DSCAM: variants seen among roughly 807,000 people sequenced by gnomAD.
DSCAM encodes DS cell adhesion molecule.
Under a neutral mutation model 217.7 loss-of-function variants are expected in DSCAM, and 47 were observed. The ratio of observed to expected loss-of-function variants is 0.22; its 90% CI spans 0.17 to 0.28. The LOEUF (loss-of-function observed/expected upper bound fraction) is 0.28. Ranked by LOEUF, DSCAM falls within the 10% of genes least tolerant of loss-of-function variation. The pLI is 1.00. For missense variants in DSCAM, 2,080 were observed against 2,618.3 expected, an observed-to-expected ratio of 0.79 and a Z score of 4.49; for synonymous variants, 1,056 against 1,015.3, an observed-to-expected ratio of 1.04 and a Z score of -0.76.
intron 1 of DSCAM, among the ~76,000 whole-genome samples, chr21:40,728,115 A>G (rs1271766682): frequency 6.6e-6 from 1 of 152,142 alleles, no homozygotes; most frequent in Non-Finnish European, 1.5e-5. Flanking sequence ...CCACGCCTGC[A>G]CTTACTCCCC....
intron 3 of DSCAM, among the ~76,000 whole-genome samples, chr21:40,476,768 T>C (rs2075939984): frequency 6.6e-6 from 1 of 152,122 alleles, no homozygotes; most frequent in Non-Finnish European, 1.5e-5. Context: ...TTGTAGGCTA[T>C]GTTATACAGT....
rs1422171045 is a variant in DSCAM, at chr21:40,723,821, C to T, written c.44-15050G>A. Among the ~76,000 whole-genome samples, 7 of 152,212 alleles carry T rather than the reference C, an allele frequency of 4.6e-5. No homozygotes were observed. In the East Asian group the frequency reaches 1.2e-3, roughly 25 times the overall value. On this transcript the variant is annotated intron_variant, in intron 1 of 32. Coordinates refer to ENST00000400454, the MANE Select transcript of DSCAM (RefSeq NM_001389.5). Reference sequence around the variant, plus strand: ...TCTGAGGTGCTATAAGAACACACTTCGAAGATTTTAGCTACTTTGTGTAAG... The same window carrying T: ...TCTGAGGTGCTATAAGAACACACTTTGAAGATTTTAGCTACTTTGTGTAAG...
At chr21:40,200,511 C>A (rs188425796) in intron 11 of DSCAM, among the ~76,000 whole-genome samples, 3 of 152,216 alleles carry the variant, frequency 2.0e-5, no homozygotes, top group African/African-American at 7.2e-5. Context: ...AATTATATTT[C>A]AAGATATGTG....
chr21:40,730,768 T>C (rs920050872), intron 1 of DSCAM, among the ~76,000 whole-genome samples: 4 of 152,132 alleles, frequency 2.6e-5, no homozygotes, highest in Non-Finnish European at 4.4e-5. Context: ...AATCAGTAGA[T>C]TTAGAGTATT....
chr21:40,031,219 T>C (rs920419229), intron 32 of DSCAM, among the ~76,000 whole-genome samples: 3 of 152,098 alleles, frequency 2.0e-5, no homozygotes, highest in African/African-American at 7.2e-5. Context: ...GGGGGAGGCA[T>C]GTACCTTAGA....
chr21:40,237,525 C>T (rs893387254), intron 11 of DSCAM, among the ~76,000 whole-genome samples: 2 of 152,168 alleles, frequency 1.3e-5, no homozygotes, highest in African/African-American at 4.8e-5. Flanking sequence ...TCATCCATGT[C>T]CCTGCAAAGG....
Position 40,277,697 on chromosome 21 carries a change from G to A in DSCAM, c.2183-1427C>T, listed in dbSNP as rs185138422. On this transcript the variant is annotated intron_variant, in intron 10 of 32. Transcript: ENST00000400454. ...CACCCAGGCTGGAGTGCAGTGGCAC[G>A]ATTTCGGCTCACTGCAACTTCCGCC... 4.1e-3 allele frequency among the ~76,000 whole-genome samples: 595 copies of A among 146,910 alleles called. 2 individuals are homozygous for A. Among genetic ancestry groups the A allele is most frequent in the African/African-American group, 0.014 (540 of 39,544 alleles).
intron 3 of DSCAM, among the ~76,000 whole-genome samples, chr21:40,613,320 T>C (rs1240521177): frequency 1.3e-5 from 2 of 152,162 alleles, no homozygotes; most frequent in African/African-American, 2.4e-5. Context: ...TTGTCTATGG[T>C]TTGTGCACCA....
chr21:40,219,573 C>A (rs1373285164), intron 11 of DSCAM, among the ~76,000 whole-genome samples: 1 of 152,000 alleles, frequency 6.6e-6, no homozygotes, highest in African/African-American at 2.4e-5. Context: ...ACTTTTATTT[C>A]TTTGGTATAG....
intron 3 of DSCAM, among the ~76,000 whole-genome samples, chr21:40,511,821 C>T (rs1299615180): frequency 6.6e-6 from 1 of 151,552 alleles, no homozygotes; most frequent in Non-Finnish European, 1.5e-5. Flanking sequence ...GAAACCCCGT[C>T]TCTATTAAAA....
intron 3 of DSCAM, among the ~76,000 whole-genome samples, chr21:40,692,465 T>C (rs890499183): frequency 2.6e-5 from 4 of 152,184 alleles, no homozygotes; most frequent in East Asian, 3.9e-4. Flanking sequence ...ATGTCAGCTA[T>C]ATATGCAATG....
At chr21:40,606,802 C>A (rs1002742117) in intron 3 of DSCAM, among the ~76,000 whole-genome samples, 6 of 152,184 alleles carry the variant, frequency 3.9e-5, no homozygotes, top group African/African-American at 1.4e-4. Flanking sequence ...TGAATTCCCA[C>A]ATATTTTGGG....
chr21:40,050,951 AT>A (rs926870884), intron 30 of DSCAM, among the ~76,000 whole-genome samples: 22 of 152,318 alleles, frequency 1.4e-4, no homozygotes, highest in African/African-American at 5.3e-4. Flanking sequence ...TCTTGAAAAC[AT>A]TTTTTAAATG....
At chr21:40,826,529 G>GGA (rs1476349965) in intron 1 of DSCAM, among the ~76,000 whole-genome samples, 1 of 152,224 alleles carries the variant, frequency 6.6e-6, no homozygotes, top group African/African-American at 2.4e-5. Flanking sequence ...ATTCAGCTGT[G>GGA]AGTTGGCAGA....
At chr21:40,140,012 G>A (rs1182539807) in intron 18 of DSCAM, among the ~76,000 whole-genome samples, 1 of 151,804 alleles carries the variant, frequency 6.6e-6, no homozygotes, top group African/African-American at 2.4e-5. Flanking sequence ...GCATGTATGT[G>A]TGGTGTGTGC....
intron 1 of DSCAM, among the ~76,000 whole-genome samples, chr21:40,790,909 G>T (rs1244226727): frequency 6.6e-6 from 1 of 152,094 alleles, no homozygotes; most frequent in East Asian, 1.9e-4. Context: ...AGGTGCAGTG[G>T]CTCATGCCTG....
At chr21:40,538,781 T>C (rs1304965531) in intron 3 of DSCAM, among the ~76,000 whole-genome samples, 3 of 152,062 alleles carry the variant, frequency 2.0e-5, no homozygotes, top group Non-Finnish European at 4.4e-5. Context: ...CTGGGGAACA[T>C]GGAGCACAAG....
chr21:40,509,283 G>A (rs1408052085), intron 3 of DSCAM, among the ~76,000 whole-genome samples: 1 of 152,158 alleles, frequency 6.6e-6, no homozygotes, highest in Non-Finnish European at 1.5e-5. Flanking sequence ...AATTCAAAAG[G>A]AGTTCAGGCA....
chr21:40,335,201 C>T (rs2074417659), intron 8 of DSCAM, among the ~76,000 whole-genome samples: 1 of 152,036 alleles, frequency 6.6e-6, no homozygotes, highest in Non-Finnish European at 1.5e-5. Flanking sequence ...TTGGCAAGCC[C>T]CAAATCCCAA....
Sources: gnomAD v4.1 joint callset for allele counts (sites outside exome capture counted in the v4.1 genomes callset) on GRCh38, gnomAD v4.1.1 for gene constraint, MANE v1.5 for transcripts, NCBI Gene and HGNC (gene_info 2026-07-23, HGNC 2026-07-21) for gene names.